APBB2: variants seen among roughly 807,000 people sequenced by gnomAD.
The protein encoded by APBB2 is amyloid beta precursor protein binding family B member 2, also known as Fe65-like 1.
A neutral mutation model predicts 82.5 loss-of-function variants in APBB2; 38 were observed. That is an observed-to-expected ratio of 0.46 (90% CI 0.36 to 0.60). The LOEUF is 0.60. APBB2 is among the 20% of genes least tolerant of loss of function. APBB2 has a pLI of 0.00. For missense variants in APBB2, 772 were observed against 972.3 expected (o/e 0.79, Z 2.74); for synonymous variants, 341 against 368.2 (o/e 0.93, Z 0.85).
intron 3 of APBB2, among the ~76,000 whole-genome samples, chr4:41,085,327 A>T (rs1739269787): frequency 6.6e-6 from 1 of 152,070 alleles, no homozygotes; most frequent in African/African-American, 2.4e-5. Flanking sequence ...AATTACAATA[A>T]CATCAAAACT....
chr4:40,980,978 C>G (rs1184063599), intron 6 of APBB2, among the ~76,000 whole-genome samples: 1 of 152,202 alleles, frequency 6.6e-6, no homozygotes, highest in Non-Finnish European at 1.5e-5. Context: ...CCCGCTGAAT[C>G]AGAATCTCTC....
chr4:41,034,375 AG>A (rs948026193), intron 4 of APBB2, among the ~76,000 whole-genome samples: 1 of 152,164 alleles, frequency 6.6e-6, no homozygotes, highest in Non-Finnish European at 1.5e-5. Context: ...CCCAGGCTGG[AG>A]GGCAATAGCG....
intron 2 of APBB2, among the ~76,000 whole-genome samples, chr4:41,131,664 G>C (rs16852825): frequency 6.6e-6 from 1 of 152,120 alleles, no homozygotes; most frequent in African/African-American, 2.4e-5. Flanking sequence ...GTCGGATGAG[G>C]TATTTAACAA....
intron 6 of APBB2, among the ~76,000 whole-genome samples, chr4:40,969,732 A>T (rs1285929789): frequency 6.6e-6 from 1 of 152,220 alleles, no homozygotes; most frequent in East Asian, 1.9e-4. Flanking sequence ...CTCTGTGAAC[A>T]AGCTTATGTT....
At chr4:40,939,651 G>A (rs775268676) in intron 7 of APBB2, among the ~76,000 whole-genome samples, 3 of 152,092 alleles carry the variant, frequency 2.0e-5, no homozygotes, top group Non-Finnish European at 4.4e-5. Context: ...CAAGGCTGGA[G>A]TGCAGTGGCA....
chr4:41,214,228 G>C (rs1780079939), intron 1 of APBB2, among the ~76,000 whole-genome samples, 177 bp downstream of exon 1: 1 of 152,188 alleles, frequency 6.6e-6, no homozygotes, highest in South Asian at 2.1e-4. Flanking sequence ...TGCAGGTGTG[G>C]CTGCGGCTGA....
chr4:40,898,662 A>G (rs1187860473), intron 10 of APBB2, among the ~76,000 whole-genome samples: 1 of 151,936 alleles, frequency 6.6e-6, no homozygotes, highest in Non-Finnish European at 1.5e-5. Flanking sequence ...GCACGTGGAG[A>G]TGTACTGTAG....
chr4:40,878,824 T>C (rs73148562), intron 12 of APBB2, among the ~76,000 whole-genome samples: 8,760 of 152,198 alleles, frequency 0.058, 738 homozygotes, highest in African/African-American at 0.18. Context: ...AAGTCAACTC[T>C]CTGGCTCCCT....
chr4:40,816,130 T>C lies in APBB2; in HGVS notation c.2242A>G (p.Thr748Ala). ...GTGACAGGGCGTTTCTGTTTCAAAG[T>C]GTCAATGAGGGATAAGACCCCTCGT... ...VKRGVLSLID[T>A]LKQKRPVTEM... is the part of the protein sequence containing the mutation. The change falls in exon 18 of 18, where the codon ACT becomes GCT. Residue 748 changes from threonine to alanine, a missense_variant. Transcript: ENST00000508593. The C allele has an allele frequency of 6.2e-7, 1 of 1,614,106 alleles. No homozygotes were observed. The highest frequency in any genetic ancestry group is 2.2e-5 in the East Asian group (1 of 44,888).
At chr4:40,879,691 T>C (rs1293092853) in intron 12 of APBB2, among the ~76,000 whole-genome samples, 1 of 151,608 alleles carries the variant, frequency 6.6e-6, no homozygotes, top group African/African-American at 2.4e-5. Context: ...ATATTTTTTT[T>C]CTTTCTTTTT....
At chr4:41,111,298 C>T (rs1168109191) in intron 2 of APBB2, among the ~76,000 whole-genome samples, 4 of 152,178 alleles carry the variant, frequency 2.6e-5, no homozygotes, top group African/African-American at 9.7e-5. Flanking sequence ...TTGGGGACCC[C>T]ATTTGCAGAA....
chr4:40,874,574 C>T (rs1261099507), intron 12 of APBB2, among the ~76,000 whole-genome samples: 5 of 152,122 alleles, frequency 3.3e-5, no homozygotes, highest in African/African-American at 1.2e-4. Context: ...TATCCTGTCC[C>T]CTGATACAAT....
intron 3 of APBB2, among the ~76,000 whole-genome samples, chr4:41,094,538 C>T (rs1742844757): frequency 6.6e-6 from 1 of 152,174 alleles, no homozygotes; most frequent in Non-Finnish European, 1.5e-5. Flanking sequence ...CTTTAGAAGA[C>T]AGAAGGAATC....
chr4:41,193,726 A>T, intron 1 of APBB2: 7,963 of 188,514 alleles, frequency 0.042, 263 homozygotes, highest in African/African-American at 0.1. Flanking sequence ...AGCCCTAGGC[A>T]GGGTAGAAGA....
intron 1 of APBB2, among the ~76,000 whole-genome samples, chr4:41,167,324 C>T (rs1308015464): frequency 6.6e-6 from 1 of 152,122 alleles, no homozygotes; most frequent in Non-Finnish European, 1.5e-5. Flanking sequence ...TTCTCATCTC[C>T]CTCGAGGTCT....
chr4:40,924,395 G>A (rs1037451009), intron 10 of APBB2, among the ~76,000 whole-genome samples: 13 of 152,198 alleles, frequency 8.5e-5, no homozygotes, highest in Admixed American at 2.6e-4. Flanking sequence ...CGTCCTATGC[G>A]CTCCTTGTAA....
chr4:41,094,241 T>A (rs563442722), intron 3 of APBB2, among the ~76,000 whole-genome samples: 48 of 152,292 alleles, frequency 3.2e-4, no homozygotes, highest in African/African-American at 1.1e-3. Context: ...CTCAAAAATA[T>A]CATTTATGAC....
intron 6 of APBB2, among the ~76,000 whole-genome samples, chr4:41,006,901 T>C (rs1194026030): frequency 1.3e-5 from 2 of 152,244 alleles, no homozygotes; most frequent in Non-Finnish European, 2.9e-5. Flanking sequence ...CAAAGCTCTA[T>C]CACTTAAGCT....
intron 11 of APBB2, chr4:40,892,833 T>G (rs1772434441): frequency 6.5e-6 from 1 of 154,918 alleles, no homozygotes; most frequent in South Asian, 2.1e-4. Flanking sequence ...TAAAGAAGAG[T>G]GTTATAAAAG....
Sources: gnomAD v4.1 joint callset for allele counts (sites outside exome capture counted in the v4.1 genomes callset) on GRCh38, gnomAD v4.1.1 for gene constraint, MANE v1.5 for transcripts, NCBI Gene and HGNC (gene_info 2026-07-23, HGNC 2026-07-21) for gene names.